PCDH9: variants seen among roughly 807,000 people sequenced by gnomAD.
PCDH9 encodes the protein protocadherin 9, also known as protocadherin-9.
In PCDH9, 24 loss-of-function variants were observed where a neutral mutation model predicts 70.6. The observed-to-expected ratio is 0.34, with a 90% CI of 0.25 to 0.48. The LOEUF (loss-of-function observed/expected upper bound fraction) is 0.48, where lower values mean the gene tolerates loss of function less well. Among genes scored for constraint, PCDH9 ranks in the 20% least tolerant of loss-of-function variants. The pLI, the probability that PCDH9 is intolerant of heterozygous loss-of-function variation, is 0.99. For missense variants in PCDH9, 1,281 were observed against 1,503.6 expected, an observed-to-expected ratio of 0.85 and a Z score of 2.45; for synonymous variants, 562 against 558.5, an observed-to-expected ratio of 1.01 and a Z score of -0.09.
intron 3 of PCDH9, among the ~76,000 whole-genome samples, chr13:66,683,677 T>C (rs1242695931): frequency 6.6e-6 from 1 of 152,196 alleles, no homozygotes; most frequent in Non-Finnish European, 1.5e-5. Context: ...TAGGGTTTTG[T>C]GTGAGGTTAA....
At chr13:67,152,126 T>A (rs1427903125) in intron 2 of PCDH9, among the ~76,000 whole-genome samples, 1 of 152,180 alleles carries the variant, frequency 6.6e-6, no homozygotes, top group Non-Finnish European at 1.5e-5. Flanking sequence ...GAATTGTAAA[T>A]TTTACATGAA....
intron 4 of PCDH9, among the ~76,000 whole-genome samples, chr13:66,453,010 C>A (rs1958244435): frequency 6.6e-6 from 1 of 152,148 alleles, no homozygotes; most frequent in Non-Finnish European, 1.5e-5. Context: ...AGCCAACCAC[C>A]CTACCAGCCC....
At chr13:66,418,660 C>T (rs1957505412) in intron 4 of PCDH9, among the ~76,000 whole-genome samples, 1 of 151,714 alleles carries the variant, frequency 6.6e-6, no homozygotes, top group Non-Finnish European at 1.5e-5. Context: ...AATCAATACC[C>T]TAAAATCATA....
intron 2 of PCDH9, among the ~76,000 whole-genome samples, chr13:67,114,282 A>T (rs1338065866): frequency 1.3e-5 from 2 of 152,180 alleles, no homozygotes; most frequent in East Asian, 3.9e-4. Context: ...ATATCTGTTT[A>T]TATAATATAT....
At chr13:67,007,799 C>CA in intron 2 of PCDH9, among the ~76,000 whole-genome samples, 1 of 152,108 alleles carries the variant, frequency 6.6e-6, no homozygotes, top group Non-Finnish European at 1.5e-5. Flanking sequence ...ATATGGTTAA[C>CA]ACTTTTCTCC....
chr13:66,572,920 T>C (rs2076754042), intron 4 of PCDH9, among the ~76,000 whole-genome samples: 1 of 152,066 alleles, frequency 6.6e-6, no homozygotes, highest in South Asian at 2.1e-4. Flanking sequence ...CCACTGCGCC[T>C]GGCTAAGTTT....
intron 3 of PCDH9, among the ~76,000 whole-genome samples, chr13:66,730,876 G>GTGTGTTTT (rs1555262846): frequency 2.2e-4 from 10 of 46,352 alleles, no homozygotes; most frequent in African/African-American, 6.8e-4. Flanking sequence ...GTGTGTGTGT[G>GTGTGTTTT]TTTTTTTTTT....
chr13:66,612,930 G>C (rs1321487570), intron 4 of PCDH9, among the ~76,000 whole-genome samples: 3 of 151,960 alleles, frequency 2.0e-5, no homozygotes. Flanking sequence ...CCCATCTTTA[G>C]TTGAACTAAG....
chr13:66,628,815 T>C (rs1315054215), intron 4 of PCDH9, among the ~76,000 whole-genome samples: 1 of 152,246 alleles, frequency 6.6e-6, no homozygotes, highest in East Asian at 1.9e-4. Context: ...AAGGTATATA[T>C]AACATAATTT....
At chr13:67,080,321 C>T (rs2085958677) in intron 2 of PCDH9, among the ~76,000 whole-genome samples, 1 of 152,050 alleles carries the variant, frequency 6.6e-6, no homozygotes, top group African/African-American at 2.4e-5. Context: ...AACTCTAAAG[C>T]TTTATTAACA....
chr13:66,722,731 G>A (rs960495851), intron 3 of PCDH9, among the ~76,000 whole-genome samples: 2 of 152,134 alleles, frequency 1.3e-5, no homozygotes, highest in Non-Finnish European at 2.9e-5. Context: ...ACTTTGGGAG[G>A]CAGAGGCAGG....
chr13:66,538,109 G>C (rs992370431), intron 4 of PCDH9, among the ~76,000 whole-genome samples: 2 of 152,084 alleles, frequency 1.3e-5, no homozygotes, highest in African/African-American at 4.8e-5. Flanking sequence ...TTTCGTGCTA[G>C]TGGTGTTCAG....
chr13:66,842,192 T>A (rs947326407), intron 3 of PCDH9, among the ~76,000 whole-genome samples: 1 of 152,168 alleles, frequency 6.6e-6, no homozygotes, highest in Admixed American at 6.5e-5. Context: ...TTATACATGG[T>A]ATGGTCATTT....
intron 3 of PCDH9, among the ~76,000 whole-genome samples, chr13:66,879,788 A>T (rs943230452): frequency 6.6e-6 from 1 of 152,224 alleles, no homozygotes; most frequent in Non-Finnish European, 1.5e-5. Context: ...CAAATGTCTA[A>T]TTGAATGAAA....
Position 66,975,891 on chromosome 13 carries a change from G to A in PCDH9, c.3037-72286C>T, listed in dbSNP as rs192346341. On this transcript the variant is annotated intron_variant, in intron 2 of 4. Coordinates refer to ENST00000377865, the MANE Select transcript of PCDH9 (RefSeq NM_203487.3). ...TCCAAGAGGAACTTTACAATGAGTGGAAAGTAATACATTTCTAAATAAACC... is the reference window on the plus strand; with the variant it reads ...TCCAAGAGGAACTTTACAATGAGTGAAAAGTAATACATTTCTAAATAAACC... Among the ~76,000 whole-genome samples, 8 of 152,100 alleles carry A rather than the reference G, an allele frequency of 5.3e-5. No homozygotes were observed. In the East Asian group the frequency reaches 1.5e-3, roughly 29 times the overall value.
chr13:67,213,440 T>G (rs2089520179), intron 2 of PCDH9: 1 of 152,042 alleles, frequency 6.6e-6, no homozygotes, highest in African/African-American at 2.4e-5. Flanking sequence ...CCATTTAAAA[T>G]GTGTTTAACA....
chr13:66,808,437 C>T (rs530762503), intron 3 of PCDH9, among the ~76,000 whole-genome samples: 247 of 152,006 alleles, frequency 1.6e-3, no homozygotes, highest in Admixed American at 2.3e-3. Context: ...TTTACATTTA[C>T]GATAATATAT....
At chr13:66,446,950 T>C (rs968392844) in intron 4 of PCDH9, among the ~76,000 whole-genome samples, 4 of 152,056 alleles carry the variant, frequency 2.6e-5, no homozygotes, top group Non-Finnish European at 5.9e-5. Context: ...CTAACTAGGA[T>C]TTGGACTTTA....
At chr13:66,953,049 A>G (rs2083209425) in intron 2 of PCDH9, among the ~76,000 whole-genome samples, 2 of 151,364 alleles carry the variant, frequency 1.3e-5, no homozygotes, top group South Asian at 4.2e-4. Flanking sequence ...TAATGTAATT[A>G]AAGCATATGA....
Sources: allele counts gnomAD v4.1 joint callset (sites outside exome capture counted in the v4.1 genomes callset), GRCh38; gene constraint gnomAD v4.1.1; transcripts MANE v1.5; gene names NCBI Gene and HGNC (gene_info 2026-07-23, HGNC 2026-07-21).